The following TBCK variants were observed in gnomAD, a reference collection of about 807,000 sequenced individuals.
TBCK encodes the protein TBC1 domain containing kinase.
Under a neutral mutation model 113.4 loss-of-function variants are expected in TBCK, and 99 were observed. The observed-to-expected ratio is 0.87, with a 90% CI of 0.74 to 1.03. The LOEUF is 1.03. Ranked by LOEUF, TBCK falls within the 50% of genes least tolerant of loss-of-function variation. The pLI is 0.00. For synonymous variants in TBCK, 369 were observed against 370.8 expected, an observed-to-expected ratio of 1.00 and a Z score of 0.05; for missense variants, 1,045 against 1,061.3, an observed-to-expected ratio of 0.98 and a Z score of 0.21.
chr4:106,137,226 GA>G (rs1223777763), intron 23 of TBCK, among the ~76,000 whole-genome samples: 15 of 139,064 alleles, frequency 1.1e-4, no homozygotes, highest in African/African-American at 3.8e-4. Context: ...ACAATTTAAA[GA>G]AAAAAGAAAA....
At chr4:106,149,262 C>G (rs760473976) in intron 23 of TBCK, among the ~76,000 whole-genome samples, 22 of 152,178 alleles carry the variant, frequency 1.4e-4, no homozygotes, top group Non-Finnish European at 3.1e-4. Flanking sequence ...GTTGTTCACT[C>G]GAGTAGCATT....
At chr4:106,190,360 TTAAGA>T (rs1449745446) in intron 22 of TBCK, among the ~76,000 whole-genome samples, 23 of 152,352 alleles carry the variant, frequency 1.5e-4, no homozygotes, top group East Asian at 1.2e-3. Context: ...TTTTGCTTTA[TTAAGA>T]TAAGTACTGA....
At chr4:106,156,816 C>T (rs1749179288) in intron 23 of TBCK, among the ~76,000 whole-genome samples, 3 of 152,118 alleles carry the variant, frequency 2.0e-5, no homozygotes, top group Admixed American at 2.0e-4. Context: ...GAGCCAAGTC[C>T]TGGAATTGGG....
chr4:106,170,329 T>C (rs1328199453), intron 23 of TBCK, among the ~76,000 whole-genome samples: 1 of 152,074 alleles, frequency 6.6e-6, no homozygotes, highest in Non-Finnish European at 1.5e-5. Flanking sequence ...TAATCTTTCA[T>C]ATATATATTC....
At chr4:106,234,907 C>T (rs540799815) in intron 15 of TBCK, among the ~76,000 whole-genome samples, 4 of 151,998 alleles carry the variant, frequency 2.6e-5, no homozygotes, top group African/African-American at 9.7e-5. Flanking sequence ...AAGATTTCTC[C>T]AAATTTAGAC....
chr4:106,287,141 T>C (rs922734658), intron 3 of TBCK, among the ~76,000 whole-genome samples: 1 of 152,102 alleles, frequency 6.6e-6, no homozygotes, highest in African/African-American at 2.4e-5. Context: ...CACAAGACCA[T>C]GGATAACATC....
intron 25 of TBCK, among the ~76,000 whole-genome samples, chr4:106,093,336 C>T (rs2149514388): frequency 6.6e-6 from 1 of 152,244 alleles, no homozygotes; most frequent in East Asian, 1.9e-4. Context: ...GAAACCCCGT[C>T]TCTACTAAAA....
intron 25 of TBCK, among the ~76,000 whole-genome samples, chr4:106,080,406 CT>C (rs1160500473): frequency 6.6e-6 from 1 of 152,092 alleles, no homozygotes; most frequent in Non-Finnish European, 1.5e-5. Flanking sequence ...ACAAAGTCAA[CT>C]ATAATACATA....
At chr4:106,055,636 T>C (rs902473027) in intron 25 of TBCK, among the ~76,000 whole-genome samples, 1 of 151,556 alleles carries the variant, frequency 6.6e-6, no homozygotes, top group Non-Finnish European at 1.5e-5. Flanking sequence ...CTTTCTCTTC[T>C]AGTTCCCTTT....
chr4:106,145,090 G>A (rs1747618228), intron 23 of TBCK, among the ~76,000 whole-genome samples: 1 of 151,704 alleles, frequency 6.6e-6, no homozygotes, highest in Non-Finnish European at 1.5e-5. Context: ...GAGGCCTAGG[G>A]GGGCAGATCA....
chr4:106,271,484 G>T (rs1579462409), intron 3 of TBCK, among the ~76,000 whole-genome samples: 1 of 152,118 alleles, frequency 6.6e-6, no homozygotes, highest in East Asian at 1.9e-4. Flanking sequence ...AACAGTGGTG[G>T]CTCACACCTG....
At position 106,242,460 on chromosome 4, in the gene TBCK, T is replaced by A; in HGVS notation, c.1170+10A>T. On this transcript the variant is annotated intron_variant, in intron 12 of 25. Coordinates refer to ENST00000394708, the MANE Select transcript of TBCK (RefSeq NM_001163435.3). ...AACCTAAAGCAGAACTGTCAAAATA[T>A]CTTTCTTACATTTCTTAGCTGGCAT... 1 of 1,586,300 alleles carries A rather than the reference T, an allele frequency of 6.3e-7. No homozygotes were observed. Among genetic ancestry groups the A allele is most frequent in the Non-Finnish European group, 8.6e-7 (1 of 1,166,802 alleles).
intron 23 of TBCK, among the ~76,000 whole-genome samples, chr4:106,125,585 T>G (rs1179155011): frequency 6.6e-6 from 1 of 152,210 alleles, no homozygotes; most frequent in Non-Finnish European, 1.5e-5. Flanking sequence ...GTCATCATGT[T>G]AAGTGAAATA....
intron 3 of TBCK, among the ~76,000 whole-genome samples, chr4:106,271,552 G>T (rs1284534118): frequency 1.3e-5 from 2 of 151,992 alleles, no homozygotes; most frequent in Non-Finnish European, 2.9e-5. Context: ...AGGAGTTCCA[G>T]ACCAGACTAA....
In TBCK at chr4:106,269,980, C is replaced by T. The variant is rs375001037; in HGVS notation, c.267-7768G>A. ...CAGTGTTCCAACTTCACCCTGCCTC[C>T]ATTTGCAAATTTATAAAGTAAAAAA... is the stretch of plus-strand genomic sequence containing the variant. On this transcript the variant is annotated intron_variant, in intron 3 of 25. Transcript: ENST00000394708. Among the ~76,000 whole-genome samples the T allele has an allele frequency of 3.3e-5, 5 of 152,062 alleles. No homozygotes were observed. In the East Asian group the frequency reaches 7.7e-4, roughly 23 times the overall value.
chr4:106,091,505 T>C lies in TBCK; in HGVS notation c.2571+3977A>G, dbSNP rs145019803. Among the ~76,000 whole-genome samples the C allele has an allele frequency of 5.2e-3, 799 of 152,216 alleles. 10 individuals carry two copies. The highest frequency in any genetic ancestry group is 0.018 in the African/African-American group (751 of 41,526). On this transcript the variant is annotated intron_variant, in intron 25 of 25. Transcript: ENST00000394708. Reference sequence around the variant, plus strand: ...CGTCCAGAGTTTGTTCCTTCTGATATTCGGATGTGTTTGGAGTTTCTTCCT... The same window carrying C: ...CGTCCAGAGTTTGTTCCTTCTGATACTCGGATGTGTTTGGAGTTTCTTCCT...
At chr4:106,147,988 G>A (rs1302884453) in intron 23 of TBCK, among the ~76,000 whole-genome samples, 1 of 152,126 alleles carries the variant, frequency 6.6e-6, no homozygotes, top group Non-Finnish European at 1.5e-5. Flanking sequence ...CCCTGGGCGT[G>A]GCCATCTTCT....
Position 106,183,318 on chromosome 4 carries a change from G to A in TBCK, c.2059+10291C>T, listed in dbSNP as rs1259997625. ...CAATTTCCTCAGCATATCATGCAAG[G>A]CCCCCATAACCATTCCTCTACCTAT... On this transcript the variant is annotated intron_variant, in intron 22 of 25. Coordinates refer to ENST00000394708, the MANE Select transcript of TBCK (RefSeq NM_001163435.3). Among the ~76,000 whole-genome samples the A allele has an allele frequency of 2.6e-5, 4 of 151,660 alleles. No individual in the cohort carries two copies. The East Asian group carries it at 7.8e-4, about 29-fold the overall frequency.
intron 2 of TBCK, among the ~76,000 whole-genome samples, chr4:106,308,059 G>A (rs889431826): frequency 2.6e-5 from 4 of 152,036 alleles, no homozygotes; most frequent in Admixed American, 2.6e-4. Flanking sequence ...TTCTTCTAAA[G>A]TTCCTAACAT....
Sources: gnomAD v4.1 joint callset for allele counts (sites outside exome capture counted in the v4.1 genomes callset) on GRCh38, gnomAD v4.1.1 for gene constraint, MANE v1.5 for transcripts, NCBI Gene and HGNC (gene_info 2026-07-23, HGNC 2026-07-21) for gene names.